The following ADGRV1 variants were observed in gnomAD, a reference collection of about 807,000 sequenced individuals.
ADGRV1 encodes G-protein coupled receptor 98.
ADGRV1 carries 359 observed loss-of-function variants against 596.2 expected under a neutral mutation model. The observed-to-expected ratio is 0.60, with a 90% CI of 0.55 to 0.66. The LOEUF is 0.66. Among genes scored for constraint, ADGRV1 ranks in the 30% least tolerant of loss-of-function variants. The probability of loss-of-function intolerance (pLI) is 0.00; values close to 1 mark genes in which losing one functional copy is unlikely to be tolerated. For synonymous variants in ADGRV1, 2,681 were observed against 2,679.2 expected, an observed-to-expected ratio of 1.00 and a Z score of -0.02; for missense variants, 7,274 against 7,575.6, an observed-to-expected ratio of 0.96 and a Z score of 1.48.
At chr5:91,151,323 G>T (rs543464677) in intron 88 of ADGRV1, among the ~76,000 whole-genome samples, 1 of 152,134 alleles carries the variant, frequency 6.6e-6, no homozygotes, top group East Asian at 1.9e-4. Flanking sequence ...TTTATATACA[G>T]AATTATTAAC....
At chr5:91,104,758 T>C (rs1791696230) in intron 87 of ADGRV1, among the ~76,000 whole-genome samples, 1 of 152,172 alleles carries the variant, frequency 6.6e-6, no homozygotes, top group Non-Finnish European at 1.5e-5. Flanking sequence ...CCATAAATAA[T>C]ATTGGGTTGA....
chr5:91,138,148 G>C (rs536167900), intron 87 of ADGRV1, among the ~76,000 whole-genome samples: 2 of 151,914 alleles, frequency 1.3e-5, no homozygotes, highest in East Asian at 3.9e-4. Context: ...TTACCCTAGT[G>C]ATTGCCCAAC....
At chr5:90,649,934 C>T (rs1768350026) in intron 17 of ADGRV1, among the ~76,000 whole-genome samples, 1 of 152,178 alleles carries the variant, frequency 6.6e-6, no homozygotes, top group African/African-American at 2.4e-5. Context: ...GGTATGTGTG[C>T]TACCTCGTAC....
chr5:90,652,802 A>C (rs1383446281), intron 19 of ADGRV1, among the ~76,000 whole-genome samples: 5 of 152,172 alleles, frequency 3.3e-5, no homozygotes, highest in Non-Finnish European at 7.3e-5. Flanking sequence ...TCCATCCTCA[A>C]ACATGCAAAT....
intron 1 of ADGRV1, among the ~76,000 whole-genome samples, chr5:90,610,090 C>G (rs1019699169): frequency 2.0e-5 from 3 of 151,902 alleles, no homozygotes; most frequent in Non-Finnish European, 4.4e-5. Context: ...CTCTTTGACT[C>G]TTTCCTTTTA....
chr5:90,786,433 G>T (rs528494259), intron 67 of ADGRV1, among the ~76,000 whole-genome samples: 97 of 152,258 alleles, frequency 6.4e-4, no homozygotes, highest in African/African-American at 1.5e-3. Context: ...AGTGCAAATA[G>T]GATGCCATTA....
chr5:90,921,053 A>G (rs1228442287), intron 83 of ADGRV1, among the ~76,000 whole-genome samples: 1 of 152,212 alleles, frequency 6.6e-6, no homozygotes, highest in Non-Finnish European at 1.5e-5. Context: ...AACAAATTTC[A>G]AGTTCCCTAT....
chr5:90,832,689 C>T (rs76788593), intron 77 of ADGRV1, among the ~76,000 whole-genome samples: 5,331 of 152,222 alleles, frequency 0.035, 324 homozygotes, highest in African/African-American at 0.12. Flanking sequence ...AGAGAGTTTC[C>T]TCCAACATTT....
At chr5:91,004,798 A>G (rs976555140) in intron 85 of ADGRV1, among the ~76,000 whole-genome samples, 2 of 152,196 alleles carry the variant, frequency 1.3e-5, no homozygotes, top group Non-Finnish European at 1.5e-5. Flanking sequence ...GTCATATGCC[A>G]TCATGGAGAG....
intron 31 of ADGRV1, among the ~76,000 whole-genome samples, chr5:90,692,383 G>A (rs1233957003): frequency 1.3e-5 from 2 of 152,104 alleles, no homozygotes; most frequent in African/African-American, 4.8e-5. Context: ...CAGCCTGTAT[G>A]TCTTATATAT....
At chr5:90,972,588 G>T (rs1779151663) in intron 84 of ADGRV1, among the ~76,000 whole-genome samples, 1 of 152,120 alleles carries the variant, frequency 6.6e-6, no homozygotes, top group South Asian at 2.1e-4. Flanking sequence ...TGAACAACCT[G>T]CTCCTGAATG....
chr5:91,085,875 G>C (rs1789826014), intron 86 of ADGRV1, among the ~76,000 whole-genome samples: 1 of 152,144 alleles, frequency 6.6e-6, no homozygotes, highest in Non-Finnish European at 1.5e-5. Context: ...CTCTTGAAGA[G>C]TAGTTCATAC....
chr5:90,807,212 TA>T (rs1396004246), intron 72 of ADGRV1, among the ~76,000 whole-genome samples: 1 of 152,178 alleles, frequency 6.6e-6, no homozygotes, highest in Non-Finnish European at 1.5e-5. Flanking sequence ...TGAAGCATTT[TA>T]AAGTAAAATA....
At chr5:90,715,221 G>A (rs569080443) in intron 42 of ADGRV1, among the ~76,000 whole-genome samples, 2 of 152,308 alleles carry the variant, frequency 1.3e-5, no homozygotes, top group South Asian at 2.1e-4. Flanking sequence ...ATGAGGAGGT[G>A]AGAGAGAGGA....
intron 1 of ADGRV1, among the ~76,000 whole-genome samples, chr5:90,589,589 A>T (rs1365491112): frequency 6.6e-6 from 1 of 152,146 alleles, no homozygotes; most frequent in Non-Finnish European, 1.5e-5. Context: ...TTTTTATTTT[A>T]TAAAAACATT....
chr5:90,904,069 T>C (rs1446763107), intron 83 of ADGRV1, among the ~76,000 whole-genome samples: 1 of 151,934 alleles, frequency 6.6e-6, no homozygotes, highest in African/African-American at 2.4e-5. Flanking sequence ...TCTCCAGTTC[T>C]ATTTTGTTGC....
chr5:90,791,851 A>G (rs983703452), intron 70 of ADGRV1: 6 of 153,548 alleles, frequency 3.9e-5, no homozygotes, highest in African/African-American at 7.2e-5. Flanking sequence ...AGGAGAAATC[A>G]TAGCAGGCTG....
rs1459323346 is a variant in ADGRV1 at position 90,653,661 on chromosome 5, C to A, written c.4087C>A (p.Pro1363Thr). The A allele has an allele frequency of 6.2e-7, 1 of 1,613,032 alleles. No homozygotes were observed. Among genetic ancestry groups the A allele is most frequent in the East Asian group, 2.2e-5 (1 of 44,892 alleles). ...ANFTFSAWVM[P>T]NANTNGFIIA... is the part of the protein sequence containing the mutation. ...CTTTACATTCTCAGCTTGGGTAATG[C>A]CCAATGCCAATACGAATGGATTCAT... The change falls in exon 20 of 90, where the codon CCC becomes ACC. Residue 1363 changes from proline to threonine, a missense_variant. Physicochemically the swap from Pro to Thr is conservative, Grantham distance 38 (BLOSUM62 -1). Transcript: ENST00000405460.
In ADGRV1 at chr5:90,669,869, A is replaced by G. The variant is rs573736154; in HGVS notation, c.4753-2677A>G. On this transcript the variant is annotated intron_variant, in intron 21 of 89. Transcript: ENST00000405460. ...CAAATTGTTCCCCAATATATTATCAATTGCATTGGAACAATTTCATGATTT... is the reference window on the plus strand; with the variant it reads ...CAAATTGTTCCCCAATATATTATCAGTTGCATTGGAACAATTTCATGATTT... Among the ~76,000 whole-genome samples, 5 of 152,318 alleles carry G rather than the reference A, an allele frequency of 3.3e-5. No individual in the cohort carries two copies. In the East Asian group the frequency reaches 9.6e-4, roughly 29 times the overall value.
Sources: allele counts gnomAD v4.1 joint callset (sites outside exome capture counted in the v4.1 genomes callset), GRCh38; gene constraint gnomAD v4.1.1; transcripts MANE v1.5; gene names NCBI Gene and HGNC (gene_info 2026-07-23, HGNC 2026-07-21).